Variants in CARHSP1 observed in about 807,000 individuals in gnomAD.
CARHSP1 encodes calcium-regulated heat-stable protein 1.
CARHSP1 carries 14 observed loss-of-function variants against 12.5 expected under a neutral mutation model. That is an observed-to-expected ratio of 1.12 (90% confidence interval 0.74 to 1.75). The LOEUF is 1.75. Among genes scored for constraint, CARHSP1 ranks in the 40% most tolerant of loss-of-function variants. CARHSP1 has a pLI of 0.00. For missense variants in CARHSP1, 343 were observed against 201.6 expected, an observed-to-expected ratio of 1.70 and a Z score of -4.25; for synonymous variants, 161 against 82.0, an observed-to-expected ratio of 1.96 and a Z score of -5.20.
In CARHSP1 at chr16:8,854,749, A is replaced by T. The variant is rs1472875119; in HGVS notation, c.*415T>A. 1.9e-5 allele frequency: 3 copies of T among 157,470 alleles called. No homozygotes were observed. The highest frequency in any genetic ancestry group is 4.8e-5 in the African/African-American group (2 of 41,652). The allele number at this position is 157,470 out of a possible 1,614,324, so 9.8% of individuals were successfully genotyped here. ...GGAGAAGTCACGCAAGGTCCCTGTC[A>T]GGCTGCCAGGGGGCCAGATCTGGGA... On this transcript the variant is annotated 3_prime_UTR_variant, in exon 4 of 4. Transcript: ENST00000311052.
At chr16:8,867,445 G>A (rs1010779924) in intron 1 of CARHSP1, 2 of 152,240 alleles carry the variant, frequency 1.3e-5, no homozygotes, top group African/African-American at 4.8e-5. Context: ...GCGGCTGATG[G>A]TGGAAGTGTC....
rs539191129 is a variant in CARHSP1, at chr16:8,863,727, G to A, written c.-7-4392C>T. 8.5e-5 allele frequency among the ~76,000 whole-genome samples: 13 copies of A among 152,282 alleles called. No homozygotes were observed. In the East Asian group the frequency reaches 1.7e-3, roughly 20 times the overall value. ...AGAGAGGAGTGAATGGCCTCAGTGC[G>A]GGGGAGGGCCGGGCAAAGTCCAGCT... On this transcript the variant is annotated intron_variant, in intron 1 of 3. Coordinates refer to ENST00000311052, the MANE Select transcript of CARHSP1 (RefSeq NM_014316.4).
rs559775484 is a variant in CARHSP1 at position 8,856,261 on chromosome 16, G to A, written c.282-935C>T. ...ACTGGCATCTTGATGTCCCCTTGAT[G>A]AAACCCCCCCAGAGGAAAACCCCCT... On this transcript the variant is annotated intron_variant, in intron 3 of 3. Coordinates refer to ENST00000311052, the MANE Select transcript of CARHSP1 (RefSeq NM_014316.4). Among the ~76,000 whole-genome samples, 3 of 152,246 alleles carry A rather than the reference G, an allele frequency of 2.0e-5. No individual in the cohort carries two copies. The South Asian group carries it at 6.2e-4, about 32-fold the overall frequency.
At chr16:8,860,080 C>G in intron 1 of CARHSP1, 1 of 952,116 alleles carries the variant, frequency 1.1e-6, no homozygotes, top group South Asian at 4.9e-5. Context: ...CCAGACACCA[C>G]AGGGAAGCAG....
At chr16:8,855,391 C>T in intron 3 of CARHSP1, 65 bp from the exon 4 acceptor site, 1 of 1,368,924 alleles carries the variant, frequency 7.3e-7, no homozygotes, top group South Asian at 1.7e-5. Context: ...CCCAAGACAC[C>T]AGCCACCCTT....
At chr16:8,868,306 T>A (rs1007545742) in intron 1 of CARHSP1, 3 of 152,112 alleles carry the variant, frequency 2.0e-5, no homozygotes, top group African/African-American at 4.8e-5. Flanking sequence ...AAAAAGAACA[T>A]TTCACTTCCG....
intron 2 of CARHSP1, 73 bp downstream of exon 2, chr16:8,859,098 G>C (rs186497273): frequency 2.1e-6 from 3 of 1,426,932 alleles, no homozygotes; most frequent in Admixed American, 4.7e-5. Flanking sequence ...AAAATGGCCA[G>C]AGACACAGTG....
At chr16:8,861,441 G>C (rs1290336499) in intron 1 of CARHSP1, among the ~76,000 whole-genome samples, 1 of 151,506 alleles carries the variant, frequency 6.6e-6, no homozygotes, top group Admixed American at 6.6e-5. Context: ...TCATTTATAG[G>C]AGTCTTCAAC....
At chr16:8,865,298 C>T (rs567267690) in intron 1 of CARHSP1, among the ~76,000 whole-genome samples, 31 of 152,160 alleles carry the variant, frequency 2.0e-4, no homozygotes, top group African/African-American at 5.1e-4. Context: ...TTAGTAGAGA[C>T]GGGGTTTCAC....
rs1234225623 is a variant in CARHSP1 at position 8,859,289 on chromosome 16, G to A, written c.40C>T (p.His14Tyr). ...EPPPPPQPPT[H>Y]QASVGLLDTP... ...TCCAGCAGCCCGACTGAAGCTTGATGGGTGGGGGGCTGTGGTGGTGGGGGA... is the reference window on the plus strand; with the variant it reads ...TCCAGCAGCCCGACTGAAGCTTGATAGGTGGGGGGCTGTGGTGGTGGGGGA... The change falls in exon 2 of 4, where the codon CAT (histidine) becomes TAT (tyrosine). Residue 14 changes from histidine (H) to tyrosine (Y), a missense_variant. Physicochemically the swap from His to Tyr is moderately conservative, Grantham distance 83. Coordinates refer to ENST00000311052, the MANE Select transcript of CARHSP1 (RefSeq NM_014316.4). 3 of 1,604,562 alleles carry A rather than the reference G, an allele frequency of 1.9e-6. No individual in the cohort carries two copies. The highest frequency in any genetic ancestry group is 1.7e-6 in the Non-Finnish European group (2 of 1,177,938).
chr16:8,867,157 C>CA (rs1171011620), intron 1 of CARHSP1: 2 of 152,380 alleles, frequency 1.3e-5, no homozygotes, highest in Admixed American at 1.3e-4. Flanking sequence ...GCGGGAAGCC[C>CA]AAGCCCTCCT....
In CARHSP1 at chr16:8,852,987, G is replaced by C. The variant is rs1004815588; in HGVS notation, c.*2177C>G. 2 of 152,130 alleles carry C rather than the reference G, an allele frequency of 1.3e-5. No individual in the cohort carries two copies. Among genetic ancestry groups the C allele is most frequent in the African/African-American group, 4.8e-5 (2 of 41,424 alleles). 9.4% of individuals were successfully genotyped at this position (152,130 alleles called of 1,614,324 possible). The stretch of plus-strand genomic sequence containing the variant: ...ATTTATTGGGAGAAAGATGGCTGAT[G>C]GGAGGCAAGATCTGGATTCAGGAAT... On this transcript the variant is annotated 3_prime_UTR_variant, in exon 4 of 4. Transcript: ENST00000311052.
At chr16:8,859,649 A>AT (rs1450596740) in intron 1 of CARHSP1, among the ~76,000 whole-genome samples, 1 of 151,942 alleles carries the variant, frequency 6.6e-6, no homozygotes, top group Non-Finnish European at 1.5e-5. Flanking sequence ...GACACATAGT[A>AT]TTTGTGGGAG....
Position 8,866,136 on chromosome 16 carries a change from T to G in CARHSP1, c.-8+2830A>C, listed in dbSNP as rs572550109. Among the ~76,000 whole-genome samples the G allele has an allele frequency of 5.8e-4, 89 of 152,292 alleles. 3 individuals carry two copies. In the South Asian group the frequency reaches 0.017, roughly 30 times the overall value. On this transcript the variant is annotated intron_variant, in intron 1 of 3. Coordinates refer to ENST00000311052, the MANE Select transcript of CARHSP1 (RefSeq NM_014316.4). ...ACCCAGCTAATTTTTTTATTTTTTG[T>G]AGAGACAAGGTCTCACTGTGTTGTC...
rs896531349 is a variant in CARHSP1 at position 8,854,965 on chromosome 16, G to C, written c.*199C>G. The C allele has an allele frequency of 4.2e-6, 2 of 471,448 alleles. No individual in the cohort carries two copies. Among genetic ancestry groups the C allele is most frequent in the African/African-American group, 2.0e-5 (1 of 50,592 alleles). 29.2% of individuals were successfully genotyped at this position (471,448 alleles called of 1,614,324 possible). A position where few individuals can be genotyped will look rare whatever the true frequency, so the allele number is the denominator to read the frequency against. On this transcript the variant is annotated 3_prime_UTR_variant, in exon 4 of 4. Transcript: ENST00000311052. ...CAGATGGTGAGAGGTTGTTGCAATG[G>C]TCATAGGCTGTGCTGATGGCCGGGA...
At chr16:8,860,263 C>T in intron 1 of CARHSP1, 2 of 982,954 alleles carry the variant, frequency 2.0e-6, no homozygotes, top group Non-Finnish European at 2.4e-6. Flanking sequence ...AGGCTGCATC[C>T]AGCTCCATCA....
chr16:8,862,816 A>G (rs886745156), intron 1 of CARHSP1, among the ~76,000 whole-genome samples: 1 of 152,168 alleles, frequency 6.6e-6, no homozygotes, highest in Admixed American at 6.5e-5. Flanking sequence ...CCGCGTCATC[A>G]TCATCATCAC....
In CARHSP1 at chr16:8,855,080, G is replaced by A; in HGVS notation, c.*84C>T. On this transcript the variant is annotated 3_prime_UTR_variant, in exon 4 of 4. Transcript: ENST00000311052. ...GCCCGGCTGAAGCCCCGTCTCGTGT[G>A]GAAGAATGTCATCTCCAGTGTCTGC... 3 of 1,249,284 alleles carry A rather than the reference G, an allele frequency of 2.4e-6. No individual in the cohort carries two copies. Among genetic ancestry groups the A allele is most frequent in the Non-Finnish European group, 3.2e-6 (3 of 930,252 alleles). 77.4% of individuals were successfully genotyped at this position (1,249,284 alleles called of 1,614,324 possible).
At position 8,868,947 on chromosome 16, in the gene CARHSP1, C is replaced by T. The variant is rs994457310; in HGVS notation, c.-8+19G>A. On this transcript the variant is annotated intron_variant, in intron 1 of 3. Transcript: ENST00000311052. The stretch of plus-strand genomic sequence containing the variant: ...GGCCAGGGGCGCCTATCCTGGGGTC[C>T]CCGAGAAGAGCTCCCTACCCTGCAA... The T allele has an allele frequency of 6.6e-6, 1 of 152,032 alleles. No individual in the cohort carries two copies. The highest frequency in any genetic ancestry group is 6.5e-5 in the Admixed American group (1 of 15,280). The allele number at this position is 152,032 out of a possible 1,614,324, so 9.4% of individuals were successfully genotyped here. A position where few individuals can be genotyped will look rare whatever the true frequency, so the allele number is the denominator to read the frequency against.
Sources: gnomAD v4.1 joint callset for allele counts (sites outside exome capture counted in the v4.1 genomes callset) on GRCh38, gnomAD v4.1.1 for gene constraint, MANE v1.5 for transcripts, NCBI Gene and HGNC (gene_info 2026-07-23, HGNC 2026-07-21) for gene names.